Variants in INTS6 observed in about 807,000 individuals in gnomAD.
The protein encoded by INTS6 is integrator complex subunit 6.
INTS6 carries 16 observed loss-of-function variants against 104.9 expected under a neutral mutation model. The ratio of observed to expected loss-of-function variants is 0.15; its 90% CI spans 0.10 to 0.23. The LOEUF (loss-of-function observed/expected upper bound fraction) is 0.23. Ranked by LOEUF, INTS6 falls within the 10% of genes least tolerant of loss-of-function variation. The pLI is 1.00. For synonymous variants in INTS6, 324 were observed against 358.7 expected (o/e 0.90, Z 1.09); for missense variants, 584 against 1,062.8 (o/e 0.55, Z 6.26).
intron 4 of INTS6, among the ~76,000 whole-genome samples, chr13:51,399,749 TG>T (rs1956403208): frequency 6.6e-6 from 1 of 151,922 alleles, no homozygotes; most frequent in African/African-American, 2.4e-5. Flanking sequence ...TGTAGTGGGG[TG>T]GGGTTTTAAT....
intron 16 of INTS6, among the ~76,000 whole-genome samples, chr13:51,368,274 G>C (rs772460430): frequency 1.3e-5 from 2 of 151,902 alleles, no homozygotes; most frequent in Non-Finnish European, 2.9e-5. Context: ...TGGGAAGTGG[G>C]GGTAAAAACC....
In INTS6 at chr13:51,361,640, T is replaced by A. The variant is rs1955577776; in HGVS notation, c.*4112A>T. The A allele has an allele frequency of 8.0e-6, 5 of 621,560 alleles. No homozygotes were observed. 38.5% of individuals were successfully genotyped at this position (621,560 alleles called of 1,614,324 possible). A position where few individuals can be genotyped will look rare whatever the true frequency, so the allele number is the denominator to read the frequency against. On this transcript the variant is annotated 3_prime_UTR_variant, in exon 18 of 18. Transcript: ENST00000311234. ...AAAACAGGAGACAGGATTGGCTAAA[T>A]GGCATCTTTTCTCTTTAATTTTCCC...
rs571668937 is a variant in INTS6, at chr13:51,375,769, G to A, written c.1729+279C>T. Among the ~76,000 whole-genome samples, 357 of 151,974 alleles carry A rather than the reference G, an allele frequency of 2.3e-3. 4 individuals are homozygous for A. Among genetic ancestry groups the A allele is most frequent in the Middle Eastern group, 6.8e-3 (2 of 292 alleles). On this transcript the variant is annotated intron_variant, in intron 13 of 17. Transcript: ENST00000311234. ...TGTGTGTGTGTGTGTGTGTGTGTGC[G>A]CGCGCGTGCGCGCATGAATGCATGA...
rs988225996 is a variant in INTS6 at position 51,452,639 on chromosome 13, G to A, written c.-114C>T. The A allele has an allele frequency of 2.5e-5, 37 of 1,506,692 alleles. No individual in the cohort carries two copies. The highest frequency in any genetic ancestry group is 4.3e-5 in the African/African-American group (3 of 69,436). 93.3% of individuals were successfully genotyped at this position (1,506,692 alleles called of 1,614,324 possible). A position where few individuals can be genotyped will look rare whatever the true frequency, so the allele number is the denominator to read the frequency against. ...GCGGGGCGGGGGAGCACGGCCCCCG[G>A]GAGGAAAACACTGTCTGGGTCTTTC... On this transcript the variant is annotated 5_prime_UTR_variant, in exon 1 of 18. Transcript: ENST00000311234. The surrounding 1 kb of genome is among the most constrained non-coding windows in gnomAD (Gnocchi z 4.2).
intron 4 of INTS6, among the ~76,000 whole-genome samples, chr13:51,408,145 G>C (rs1434506255): frequency 1.3e-5 from 2 of 150,120 alleles, no homozygotes; most frequent in Non-Finnish European, 3.0e-5. Context: ...CATTGAGATG[G>C]GTTTTTTTTT....
chr13:51,389,579 A>T, intron 5 of INTS6, 135 bp from the exon 6 acceptor site: 1 of 727,748 alleles, frequency 1.4e-6, no homozygotes, highest in Non-Finnish European at 2.0e-6. Context: ...TTCAATGGTA[A>T]AAGTTGACTA....
At chr13:51,421,310 G>A in intron 4 of INTS6, 3 of 985,518 alleles carry the variant, frequency 3.0e-6, no homozygotes, top group Non-Finnish European at 3.6e-6. Context: ...AGCACTTCTT[G>A]AAAACCACTG....
chr13:51,415,315 T>C (rs532168300), intron 4 of INTS6, among the ~76,000 whole-genome samples: 9 of 152,198 alleles, frequency 5.9e-5, no homozygotes, highest in Non-Finnish European at 1.2e-4. Context: ...TACTTCTTTC[T>C]CTTTTATATA....
rs765330206 is a variant in INTS6, at chr13:51,361,933, A to C, written c.*3819T>G. On this transcript the variant is annotated 3_prime_UTR_variant, in exon 18 of 18. Coordinates refer to ENST00000311234, the MANE Select transcript of INTS6 (RefSeq NM_012141.3). The stretch of plus-strand genomic sequence containing the variant: ...TTTGACAGGATTCAGATAATTTATC[A>C]GTGTCTCTCTAGCAACAAGGGCTCA... 6.2e-7 allele frequency: 1 copy of C among 1,611,980 alleles called. No homozygotes were observed. Among genetic ancestry groups the C allele is most frequent in the Admixed American group, 1.7e-5 (1 of 59,846 alleles).
At chr13:51,435,966 G>T (rs1390626846) in intron 3 of INTS6, among the ~76,000 whole-genome samples, 1 of 152,016 alleles carries the variant, frequency 6.6e-6, no homozygotes, top group African/African-American at 2.4e-5. Flanking sequence ...TCCAAGGCCA[G>T]AATTACAAAT....
chr13:51,406,204 A>G (rs1377889277), intron 4 of INTS6, among the ~76,000 whole-genome samples: 1 of 152,128 alleles, frequency 6.6e-6, no homozygotes, highest in African/African-American at 2.4e-5. Context: ...TACTACTCAC[A>G]GCTTCAATTC....
intron 3 of INTS6, chr13:51,446,643 T>C (rs1485846728): frequency 6.6e-6 from 1 of 152,164 alleles, no homozygotes; most frequent in African/African-American, 2.4e-5. Context: ...AGCCAAGAAG[T>C]GGAAGCAACC....
intron 4 of INTS6, among the ~76,000 whole-genome samples, chr13:51,395,861 G>T (rs866396818): frequency 6.6e-6 from 1 of 152,054 alleles, no homozygotes; most frequent in African/African-American, 2.4e-5. Context: ...GCAGAGGCAC[G>T]ATCTTGGCTC....
chr13:51,351,886 TA>T (rs1955406595), downstream of INTS6, among the ~76,000 whole-genome samples: 1 of 152,128 alleles, frequency 6.6e-6, no homozygotes. Context: ...TATCATTTGT[TA>T]AAATGATTTT....
At chr13:51,411,126 T>C (rs1007433974) in intron 4 of INTS6, among the ~76,000 whole-genome samples, 4 of 151,764 alleles carry the variant, frequency 2.6e-5, no homozygotes, top group African/African-American at 9.7e-5. Context: ...GGCACGAGAA[T>C]TGCTTGAACC....
the INTS6 span, among the ~76,000 whole-genome samples, chr13:51,348,848 G>GTCCCCCCATGA: frequency 8.6e-5 from 13 of 150,396 alleles, no homozygotes; most frequent in South Asian, 4.2e-4. Flanking sequence ...ACGTAATTGA[G>GTCCCCCCATGA]CAAGTACAGA....
At chr13:51,404,103 C>CACACACACACACAGAG (rs1491389220) in intron 4 of INTS6, among the ~76,000 whole-genome samples, 17 of 103,968 alleles carry the variant, frequency 1.6e-4, no homozygotes, top group African/African-American at 4.7e-4. Context: ...CACACACACA[C>CACACACACACACAGAG]AGAGAGAGAG....
chr13:51,335,567 A>G, the INTS6 span, among the ~76,000 whole-genome samples: 1 of 152,228 alleles, frequency 6.6e-6, no homozygotes, highest in African/African-American at 2.4e-5. Flanking sequence ...GCTACGTAGT[A>G]AATTAAATAT....
At chr13:51,446,986 A>C (rs1952932565) in intron 3 of INTS6, 1 of 152,158 alleles carries the variant, frequency 6.6e-6, no homozygotes, top group Non-Finnish European at 1.5e-5. Context: ...AACACTACTG[A>C]ACTGCACACT....
Sources: gnomAD v4.1 joint callset for allele counts (sites outside exome capture counted in the v4.1 genomes callset) on GRCh38, gnomAD v4.1.1 for gene constraint, Gnocchi (gnomAD v3.1) non-coding constraint, MANE v1.5 for transcripts, NCBI Gene and HGNC (gene_info 2026-07-23, HGNC 2026-07-21) for gene names.